The following DCN variants were observed in gnomAD, a reference collection of about 807,000 sequenced individuals.
The protein encoded by DCN is bone proteoglycan II.
In DCN, 17 loss-of-function variants were observed where a neutral mutation model predicts 36.5. The observed-to-expected ratio is 0.47, with a 90% confidence interval of 0.32 to 0.70. DCN has a LOEUF of 0.70. Among genes scored for constraint, DCN ranks in the 30% least tolerant of loss-of-function variants. The pLI, the probability that DCN is intolerant of heterozygous loss-of-function variation, is 0.04. For missense variants in DCN, 389 were observed against 430.1 expected (o/e 0.90, Z 0.84); for synonymous variants, 163 against 161.4 (o/e 1.01, Z -0.07).
chr12:91,173,174 G>A (rs182198662), intron 2 of DCN, among the ~76,000 whole-genome samples: 1 of 152,132 alleles, frequency 6.6e-6, no homozygotes, highest in Non-Finnish European at 1.5e-5. Flanking sequence ...AAGGAGAAAA[G>A]TTAAGATTAG....
At chr12:91,171,178 A>C (rs1488555778) in intron 2 of DCN, among the ~76,000 whole-genome samples, 1 of 152,226 alleles carries the variant, frequency 6.6e-6, no homozygotes, top group Non-Finnish European at 1.5e-5. Context: ...CTTAAGTAGA[A>C]GAATTAAGTA....
At chr12:91,173,013 T>C (rs369334011) in intron 2 of DCN, 63 of 432,702 alleles carry the variant, frequency 1.5e-4, no homozygotes, top group African/African-American at 1.2e-3. Flanking sequence ...GCTACAGAAG[T>C]TAAAGCAGTC....
intron 2 of DCN, 108 bp downstream of exon 2, chr12:91,178,234 G>T: frequency 1.0e-6 from 1 of 984,274 alleles, no homozygotes; most frequent in Non-Finnish European, 1.6e-6. Context: ...AGGTGGCACT[G>T]TCTCTCAAAT....
intron 3 of DCN, among the ~76,000 whole-genome samples, chr12:91,161,291 C>T (rs1229506157): frequency 6.6e-6 from 1 of 152,096 alleles, no homozygotes; most frequent in Non-Finnish European, 1.5e-5. Flanking sequence ...CACTAGATGT[C>T]ACTTACTTAA....
In DCN at chr12:91,145,047, T is replaced by C. The variant is rs1880924540; in HGVS notation, c.*1011A>G. On this transcript the variant is annotated 3_prime_UTR_variant, in exon 8 of 8. Coordinates refer to ENST00000052754, the MANE Select transcript of DCN (RefSeq NM_001920.5). ...ATAGAAGACAGAAACTATTTTCACA[T>C]ATTTGCTTATTAATTGTTGATAGCA... 6.6e-6 allele frequency: 1 copy of C among 152,244 alleles called. No homozygotes were observed. Among genetic ancestry groups the C allele is most frequent in the Admixed American group, 6.5e-5 (1 of 15,286 alleles). The allele number at this position is 152,244 out of a possible 1,614,324, so 9.4% of individuals were successfully genotyped here.
intron 2 of DCN, among the ~76,000 whole-genome samples, chr12:91,170,998 A>C (rs1436686940): frequency 6.6e-6 from 1 of 152,206 alleles, no homozygotes; most frequent in Non-Finnish European, 1.5e-5. Context: ...TAACTAAATA[A>C]TTCCTATTGA....
intron 5 of DCN, among the ~76,000 whole-genome samples, chr12:91,156,669 T>A: frequency 6.6e-6 from 1 of 150,468 alleles, no homozygotes; most frequent in East Asian, 1.9e-4. Context: ...AAAAATTGGA[T>A]CAATTTCAGA....
intron 7 of DCN, among the ~76,000 whole-genome samples, chr12:91,147,533 C>T (rs1881106497): frequency 6.6e-6 from 1 of 152,054 alleles, no homozygotes; most frequent in African/African-American, 2.4e-5. Flanking sequence ...TAGAACAGAC[C>T]AGGTGTTCAA....
At chr12:91,166,503 T>A (rs3138213) in intron 2 of DCN, among the ~76,000 whole-genome samples, 4,399 of 152,268 alleles carry the variant, frequency 0.029, 213 homozygotes, top group African/African-American at 0.1. Context: ...CTTCTTTTCA[T>A]TTGGAACGTA....
intron 3 of DCN, among the ~76,000 whole-genome samples, chr12:91,160,138 T>A (rs1240820201): frequency 6.6e-6 from 1 of 152,078 alleles, no homozygotes; most frequent in Non-Finnish European, 1.5e-5. Context: ...TAATCAAAAG[T>A]TCAAAAACTT....
Position 91,142,227 on chromosome 12 carries a change from G to T in DCN, c.*3831C>A, listed in dbSNP as rs998745597. ...ACTGCAATGTCGACTCAGCAACCTC[G>T]AATGTCTGTGCTGCAGGAGAGTCTG... is the stretch of plus-strand genomic sequence containing the variant. On this transcript the variant is annotated 3_prime_UTR_variant, in exon 8 of 8. Transcript: ENST00000052754. 1.3e-5 allele frequency: 2 copies of T among 152,190 alleles called. No individual in the cohort carries two copies. The highest frequency in any genetic ancestry group is 4.8e-5 in the African/African-American group (2 of 41,448). 9.4% of individuals were successfully genotyped at this position (152,190 alleles called of 1,614,324 possible). A position where few individuals can be genotyped will look rare whatever the true frequency, so the allele number is the denominator to read the frequency against.
chr12:91,145,996 T>A lies in DCN; in HGVS notation c.*62A>T. On this transcript the variant is annotated 3_prime_UTR_variant, in exon 8 of 8. Coordinates refer to ENST00000052754, the MANE Select transcript of DCN (RefSeq NM_001920.5). ...GTTTCCAGTATCTAGCTTTTATTTA[T>A]TTTTTAGCAATGACATTAACAAGAT... The A allele has an allele frequency of 2.9e-6, 4 of 1,370,770 alleles. No homozygotes were observed. The highest frequency in any genetic ancestry group is 1.2e-5 in the South Asian group (1 of 85,836). 84.9% of individuals were successfully genotyped at this position (1,370,770 alleles called of 1,614,324 possible). A position where few individuals can be genotyped will look rare whatever the true frequency, so the allele number is the denominator to read the frequency against.
At position 91,158,397 on chromosome 12, in the gene DCN, T is replaced by C. The variant is rs1881939669; in HGVS notation, c.437A>G (p.Glu146Gly). The change falls in exon 4 of 8, where the codon GAA (glutamate) becomes GGA (glycine). Residue 146 changes from glutamate (E) to glycine (G), a missense_variant. Physicochemically the swap from Glu to Gly is moderately conservative, Grantham distance 98. Coordinates refer to ENST00000052754, the MANE Select transcript of DCN (RefSeq NM_001920.5). ...LSKNQLKELPEKMPKTLQELR... is the reference protein window; with the variant it reads ...LSKNQLKELPGKMPKTLQELR... ...CTCCTGAAGAGTTTTGGGCATTTTT[T>C]CTGGCAATTCCTTCAGCTGATTCTT... 11 of 1,612,744 alleles carry C rather than the reference T, an allele frequency of 6.8e-6. No homozygotes were observed. The highest frequency in any genetic ancestry group is 9.3e-6 in the Non-Finnish European group (11 of 1,178,704).
Position 91,151,830 on chromosome 12 carries a change from A to C in DCN, c.747-38T>G, listed in dbSNP as rs573115350. 252 of 1,612,370 alleles carry C rather than the reference A, an allele frequency of 1.6e-4. 1 individual carries two copies. The South Asian group carries it at 2.7e-3, about 17-fold the overall frequency. On this transcript the variant is annotated intron_variant, in intron 6 of 7. Coordinates refer to ENST00000052754, the MANE Select transcript of DCN (RefSeq NM_001920.5). ...GCAGAAATGAAAGCAAACACCACAC[A>C]TGGATGCCTTTCTTACAAGCATTGT...
In DCN at chr12:91,143,033, A is replaced by G. The variant is rs1224485474; in HGVS notation, c.*3025T>C. 1 of 152,124 alleles carries G rather than the reference A, an allele frequency of 6.6e-6. No homozygotes were observed. Among genetic ancestry groups the G allele is most frequent in the Non-Finnish European group, 1.5e-5 (1 of 68,030 alleles). The allele number at this position is 152,124 out of a possible 1,614,324, so 9.4% of individuals were successfully genotyped here. ...TTAGGGTGAGCCTTAATCCAATATA[A>G]CTCATGTTCATAGAAGAAGAAGAGA... On this transcript the variant is annotated 3_prime_UTR_variant, in exon 8 of 8. Coordinates refer to ENST00000052754, the MANE Select transcript of DCN (RefSeq NM_001920.5).
intron 2 of DCN, among the ~76,000 whole-genome samples, chr12:91,170,976 G>C (rs988315639): frequency 6.6e-6 from 1 of 151,998 alleles, no homozygotes; most frequent in African/African-American, 2.4e-5. Context: ...TGTATTAATT[G>C]TATGTGATTT....
chr12:91,160,754 T>A (rs996864159), intron 3 of DCN, among the ~76,000 whole-genome samples: 1 of 152,212 alleles, frequency 6.6e-6, no homozygotes, highest in South Asian at 2.1e-4. Flanking sequence ...CAATTTTTGC[T>A]GATTTTTAAT....
intron 2 of DCN, among the ~76,000 whole-genome samples, chr12:91,173,828 C>T (rs190269802): frequency 2.6e-5 from 4 of 152,262 alleles, no homozygotes; most frequent in African/African-American, 9.6e-5. Flanking sequence ...ACCAGTTTCT[C>T]CAGCCAAGCG....
chr12:91,158,482 T>A lies in DCN; in HGVS notation c.352A>T (p.Ser118Cys), dbSNP rs1565778737. 8 of 1,598,412 alleles carry A rather than the reference T, an allele frequency of 5.0e-6. No individual in the cohort carries two copies. Among genetic ancestry groups the A allele is most frequent in the Non-Finnish European group, 6.0e-6 (7 of 1,165,682 alleles). Residue 118 changes from serine to cysteine, a missense_variant, in exon 4 of 8, where the codon AGC (serine) becomes TGC (cysteine). Physicochemically the swap from Ser to Cys is moderately radical, Grantham distance 112 (BLOSUM62 -1). Coordinates refer to ENST00000052754, the MANE Select transcript of DCN (RefSeq NM_001920.5). ...HALILVNNKI[S>C]KVSPGAFTPL... Reference sequence around the variant, plus strand: ...GTAAATGCTCCAGGACTAACTTTGCTAATTTTATTGTTGACAAGAATCAAT... The same window carrying A: ...GTAAATGCTCCAGGACTAACTTTGCAAATTTTATTGTTGACAAGAATCAAT...
Sources: allele counts gnomAD v4.1 joint callset (sites outside exome capture counted in the v4.1 genomes callset), GRCh38; gene constraint gnomAD v4.1.1; transcripts MANE v1.5; gene names NCBI Gene and HGNC (gene_info 2026-07-23, HGNC 2026-07-21).